Variants in CAMTA1 observed in about 807,000 individuals in gnomAD.
CAMTA1 encodes calmodulin-binding transcription activator 1.
CAMTA1 carries 27 observed loss-of-function variants against 170.9 expected under a neutral mutation model. The observed-to-expected ratio is 0.16, with a 90% CI of 0.12 to 0.22. The LOEUF is 0.22. Ranked by LOEUF, CAMTA1 falls within the 10% of genes least tolerant of loss-of-function variation. The pLI is 1.00. For synonymous variants in CAMTA1, 833 were observed against 891.5 expected, an observed-to-expected ratio of 0.93 and a Z score of 1.17; for missense variants, 1,619 against 2,217.2, an observed-to-expected ratio of 0.73 and a Z score of 5.42.
intron 3 of CAMTA1, among the ~76,000 whole-genome samples, chr1:6,930,239 G>C (rs1684152612): frequency 6.6e-6 from 1 of 152,168 alleles, no homozygotes; most frequent in Non-Finnish European, 1.5e-5. Flanking sequence ...CGACTCGCCT[G>C]CCTGCTGGGA....
At chr1:7,023,555 A>C (rs1289540826) in intron 3 of CAMTA1, among the ~76,000 whole-genome samples, 1 of 152,238 alleles carries the variant, frequency 6.6e-6, no homozygotes, top group Non-Finnish European at 1.5e-5. Context: ...AGAGACAAGA[A>C]ATAAAATCCA....
At chr1:7,372,679 T>A (rs2086566119) in intron 5 of CAMTA1, among the ~76,000 whole-genome samples, 2 of 152,230 alleles carry the variant, frequency 1.3e-5, no homozygotes, top group African/African-American at 4.8e-5. Flanking sequence ...CATGAGTGCT[T>A]TGTGTGTAGG....
intron 6 of CAMTA1, among the ~76,000 whole-genome samples, chr1:7,518,896 G>A (rs1302374967): frequency 2.0e-5 from 3 of 151,942 alleles, no homozygotes; most frequent in Non-Finnish European, 2.9e-5. Flanking sequence ...GCCTGTGATG[G>A]CTCCAGGCCT....
chr1:7,385,769 C>A (rs1190916671), intron 5 of CAMTA1, among the ~76,000 whole-genome samples: 1 of 152,248 alleles, frequency 6.6e-6, no homozygotes, highest in African/African-American at 2.4e-5. Context: ...TCTCCCAAAG[C>A]TCAGCTCTCA....
chr1:7,350,099 C>A (rs547583237), intron 5 of CAMTA1, among the ~76,000 whole-genome samples: 1 of 152,310 alleles, frequency 6.6e-6, no homozygotes, highest in Admixed American at 6.5e-5. Context: ...CTTGGCAAGA[C>A]CCTGCCCCAG....
In CAMTA1 at chr1:7,751,397, G is replaced by A. The variant is rs1425014806; in HGVS notation, c.4883+5G>A. 1 of 1,577,356 alleles carries A rather than the reference G, an allele frequency of 6.3e-7. No individual in the cohort carries two copies. The highest frequency in any genetic ancestry group is 1.2e-5 in the South Asian group (1 of 85,132). On this transcript the variant is annotated splice_donor_5th_base_variant and intron_variant, in intron 20 of 22. Transcript: ENST00000303635. Reference sequence around the variant, plus strand: ...GATTGTACAACAGAAACTCAGGTGGGTGGAGAAGAGCTCATGGAGGTAAAG... The same window carrying A: ...GATTGTACAACAGAAACTCAGGTGGATGGAGAAGAGCTCATGGAGGTAAAG...
intron 5 of CAMTA1, among the ~76,000 whole-genome samples, chr1:7,467,034 C>T (rs1397662022): frequency 2.6e-5 from 4 of 152,074 alleles, no homozygotes; most frequent in East Asian, 1.9e-4. Flanking sequence ...AGAATCAGAG[C>T]AGGGCGGCCT....
At chr1:7,554,787 C>G (rs1032526982) in intron 6 of CAMTA1, among the ~76,000 whole-genome samples, 1 of 152,006 alleles carries the variant, frequency 6.6e-6, no homozygotes, top group Non-Finnish European at 1.5e-5. Context: ...TTCCTGGAAC[C>G]CCTTATCTTG....
intron 4 of CAMTA1, among the ~76,000 whole-genome samples, chr1:7,129,517 C>T (rs1023533653): frequency 2.6e-5 from 4 of 152,138 alleles, no homozygotes; most frequent in Admixed American, 6.5e-5. Context: ...AGAAGTTCTG[C>T]GCTGGAATCT....
At chr1:6,807,977 A>G (rs1344469030) in intron 1 of CAMTA1, among the ~76,000 whole-genome samples, 1 of 151,832 alleles carries the variant, frequency 6.6e-6, no homozygotes, top group African/African-American at 2.4e-5. Flanking sequence ...GGAAGATGGA[A>G]AGACTTCCGG....
chr1:7,052,869 G>A (rs967991984), intron 3 of CAMTA1, among the ~76,000 whole-genome samples: 1 of 152,092 alleles, frequency 6.6e-6, no homozygotes, highest in Non-Finnish European at 1.5e-5. Context: ...GGTCTCTTGG[G>A]CCGGGCCGTC....
At chr1:7,203,688 G>A (rs886212379) in intron 4 of CAMTA1, among the ~76,000 whole-genome samples, 4 of 150,898 alleles carry the variant, frequency 2.7e-5, no homozygotes, top group East Asian at 1.9e-4. Flanking sequence ...ATTTCTGTAC[G>A]GTTGATAATA....
intron 5 of CAMTA1, among the ~76,000 whole-genome samples, chr1:7,290,759 C>T (rs564735965): frequency 7.2e-5 from 11 of 152,174 alleles, no homozygotes; most frequent in Admixed American, 3.3e-4. Context: ...CTGTGGCTCT[C>T]GGGGACTCTC....
chr1:7,120,795 G>A (rs1162391319), intron 4 of CAMTA1, among the ~76,000 whole-genome samples: 1 of 152,200 alleles, frequency 6.6e-6, no homozygotes, highest in African/African-American at 2.4e-5. Context: ...GGGTCAAGAG[G>A]TTTAATCGCA....
intron 7 of CAMTA1, among the ~76,000 whole-genome samples, chr1:7,643,776 G>C (rs942909278): frequency 6.6e-6 from 1 of 152,240 alleles, no homozygotes; most frequent in South Asian, 2.1e-4. Context: ...TGGCTCGGGC[G>C]TGCGTGTGCA....
chr1:7,493,310 C>T (rs1349241641), intron 6 of CAMTA1, among the ~76,000 whole-genome samples: 2 of 81,340 alleles, frequency 2.5e-5, no homozygotes, highest in African/African-American at 1.6e-4. Context: ...TACAAATGCG[C>T]ACACAAACAA....
intron 6 of CAMTA1, among the ~76,000 whole-genome samples, chr1:7,515,924 T>G (rs1346350517): frequency 1.3e-5 from 2 of 152,160 alleles, no homozygotes; most frequent in African/African-American, 4.8e-5. Flanking sequence ...GCAAAGGGAT[T>G]GTGGAGCCTG....
At chr1:7,766,382 G>A in intron 22 of CAMTA1, 77 bp from the exon 23 acceptor site, 1 of 1,386,440 alleles carries the variant, frequency 7.2e-7, no homozygotes, top group Non-Finnish European at 1.0e-6. Context: ...AGAGGGAGTG[G>A]TAATACCCCT....
rs572867678 is a variant in CAMTA1 at position 6,834,304 on chromosome 1, C to G, written c.234+9094C>G. 7 of 191,898 alleles carry G rather than the reference C, an allele frequency of 3.6e-5. No individual in the cohort carries two copies. In the South Asian group the frequency reaches 6.9e-4, roughly 19 times the overall value. The allele number at this position is 191,898 out of a possible 1,614,324, so 11.9% of individuals were successfully genotyped here. A position where few individuals can be genotyped will look rare whatever the true frequency, so the allele number is the denominator to read the frequency against. On this transcript the variant is annotated intron_variant, in intron 3 of 22. Transcript: ENST00000303635. ...TTTTTTTTTAAAACCAGAACATTTA[C>G]TGCATGACTAATTGTTGAAATTCTT...
Sources: allele counts gnomAD v4.1 joint callset (sites outside exome capture counted in the v4.1 genomes callset), GRCh38; gene constraint gnomAD v4.1.1; transcripts MANE v1.5; gene names NCBI Gene and HGNC (gene_info 2026-07-23, HGNC 2026-07-21).